The following NKIRAS1 variants were observed in gnomAD, a reference collection of about 807,000 sequenced individuals.
The protein encoded by NKIRAS1 is NF-kappa-B inhibitor-interacting Ras-like protein 1.
A neutral mutation model predicts 19.8 loss-of-function variants in NKIRAS1; 16 were observed. The ratio of observed to expected loss-of-function variants is 0.81; its 90% confidence interval spans 0.55 to 1.23. NKIRAS1 has a LOEUF of 1.23. NKIRAS1 is among the 50% of genes most tolerant of loss of function. The pLI is 0.00. For synonymous variants in NKIRAS1, 88 were observed against 79.0 expected, an observed-to-expected ratio of 1.11 and a Z score of -0.61; for missense variants, 184 against 220.0, an observed-to-expected ratio of 0.84 and a Z score of 1.04.
chr3:23,921,487 C>A (rs759032304), upstream of NKIRAS1: 12 of 655,080 alleles, frequency 1.8e-5, no homozygotes, highest in Non-Finnish European at 3.3e-5. Flanking sequence ...ATTAGCTATA[C>A]CCTGACCGCC....
chr3:23,909,236 T>C (rs1703394329), intron 3 of NKIRAS1, among the ~76,000 whole-genome samples: 1 of 151,840 alleles, frequency 6.6e-6, no homozygotes, highest in Admixed American at 6.6e-5. Context: ...AAAACAGAAA[T>C]GTGGGCCAGG....
intron 4 of NKIRAS1, 69 bp downstream of exon 4, chr3:23,900,739 C>A: frequency 8.0e-7 from 1 of 1,245,858 alleles, no homozygotes; most frequent in Non-Finnish European, 1.2e-6. Flanking sequence ...AATAAACTAC[C>A]CAAAAGTCTG....
chr3:23,921,570 G>GTTTTTTTTTTTT, upstream of NKIRAS1: 2 of 508,320 alleles, frequency 3.9e-6, no homozygotes, highest in Non-Finnish European at 7.0e-6. Flanking sequence ...TGATTATTGA[G>GTTTTTTTTTTTT]TTTTTTTTTT....
At chr3:23,932,419 A>T (rs1323363306) in intron 1 of NKIRAS1, among the ~76,000 whole-genome samples, 1 of 152,094 alleles carries the variant, frequency 6.6e-6, no homozygotes, top group Non-Finnish European at 1.5e-5. Flanking sequence ...CTACAAAATA[A>T]CTTCTAGGCC....
intron 1 of NKIRAS1, among the ~76,000 whole-genome samples, chr3:23,931,028 A>G (rs1705307001): frequency 6.6e-6 from 1 of 150,844 alleles, no homozygotes; most frequent in African/African-American, 2.4e-5. Context: ...CAATATGTAA[A>G]TATCTGGATA....
intron 3 of NKIRAS1, 61 bp downstream of exon 3, chr3:23,910,750 C>T: frequency 8.0e-7 from 1 of 1,254,528 alleles, no homozygotes; most frequent in Non-Finnish European, 1.2e-6. Flanking sequence ...TTAGCATGAC[C>T]AACAAAAGAC....
chr3:23,897,205 A>AG (rs200966444), intron 4 of NKIRAS1, among the ~76,000 whole-genome samples: 11 of 151,506 alleles, frequency 7.3e-5, no homozygotes, highest in African/African-American at 1.7e-4. Flanking sequence ...TGTCTGAAAT[A>AG]GGGAAAAAAA....
upstream of NKIRAS1, chr3:23,918,233 C>A (rs1350857031): frequency 2.2e-6 from 2 of 906,238 alleles, no homozygotes; most frequent in African/African-American, 1.7e-5. Flanking sequence ...TGAATGAGTT[C>A]AGACTAAAGC....
At chr3:23,921,507 GT>G, upstream of NKIRAS1, 1 of 668,678 alleles carries the variant, frequency 1.5e-6, no homozygotes, top group Non-Finnish European at 2.7e-6. Context: ...CCCACAAGCT[GT>G]TCCCATTTGC....
rs762134507 is a variant in NKIRAS1 at position 23,893,109 on chromosome 3, T to TA, written c.564dup (p.Asn189Ter). 1.9e-6 allele frequency: 3 copies of TA among 1,567,098 alleles called. No homozygotes were observed. In the South Asian group the frequency reaches 3.7e-5, roughly 19 times the overall value. On this transcript the variant is annotated frameshift_variant, in exon 5 of 5. Coordinates refer to ENST00000425478, the MANE Select transcript of NKIRAS1 (RefSeq NM_020345.4). LOFTEE classifies it high-confidence loss of function. ...ATTACTGATTTTTAGTTCTCAGAAT[T>TA]AGAGTTCCCTTTGTTTTTCCTCCCA...
At position 23,893,245 on chromosome 3, in the gene NKIRAS1, T is replaced by C; in HGVS notation, c.429A>G (p.Lys143=). The change falls in exon 5 of 5, where the codon AAA becomes AAG. Residue 143 remains lysine (K), a synonymous_variant. Transcript: ENST00000425478. ...EVAQQWAKSE[K]VRLWEVTVTD... is the part of the protein sequence containing the mutation. ...TAACAGTCACCTCCCACAGTCTTAC[T>C]TTCTCACTTTTTGCCCACTGCTGTG... 2 of 1,614,224 alleles carry C rather than the reference T, an allele frequency of 1.2e-6. No individual in the cohort carries two copies. The highest frequency in any genetic ancestry group is 1.7e-6 in the Non-Finnish European group (2 of 1,180,042).
At position 23,900,852 on chromosome 3, in the gene NKIRAS1, C is replaced by G. The variant is rs1199541101; in HGVS notation, c.292G>C (p.Glu98Gln). Residue 98 changes from glutamate to glutamine, a missense_variant, in exon 4 of 5, where the codon GAG (glutamate) becomes CAG (glutamine). Glu to Gln is a conservative substitution (Grantham distance 29). Coordinates refer to ENST00000425478, the MANE Select transcript of NKIRAS1 (RefSeq NM_020345.4). ...TTATCGATTTCTTTCTTCAGAAGCTCCACTCTTTGAAAGGATTCAAGGTTA... is the reference window on the plus strand; with the variant it reads ...TTATCGATTTCTTTCTTCAGAAGCTGCACTCTTTGAAAGGATTCAAGGTTA... ...VNNLESFQRVELLKKEIDKFK... is the reference protein window; with the variant it reads ...VNNLESFQRVQLLKKEIDKFK... The G allele has an allele frequency of 6.2e-7, 1 of 1,613,492 alleles. No homozygotes were observed. The highest frequency in any genetic ancestry group is 1.3e-5 in the African/African-American group (1 of 74,912).
At chr3:23,914,966 T>C (rs1205907072) in intron 1 of NKIRAS1, among the ~76,000 whole-genome samples, 1 of 152,250 alleles carries the variant, frequency 6.6e-6, no homozygotes, top group Non-Finnish European at 1.5e-5. Flanking sequence ...AGGGCTGCAC[T>C]ACTTACCATT....
chr3:23,920,525 C>T, upstream of NKIRAS1: 3 of 985,220 alleles, frequency 3.0e-6, no homozygotes, highest in Non-Finnish European at 3.6e-6. Flanking sequence ...TTTCTGTTTG[C>T]ACCATGTCTT....
intron 1 of NKIRAS1, among the ~76,000 whole-genome samples, chr3:23,935,379 C>CAA (rs11373255): frequency 0.44 from 64,804 of 148,684 alleles, 13,932 homozygotes; most frequent in Middle Eastern, 0.52. Flanking sequence ...TCTGATTAGA[C>CAA]AAAAAAAAAA....
At chr3:23,935,243 A>G (rs56224135) in intron 1 of NKIRAS1, among the ~76,000 whole-genome samples, 1,699 of 152,180 alleles carry the variant, frequency 0.011, 36 homozygotes, top group African/African-American at 0.039. Context: ...CTAAAACTAA[A>G]CATGGTAAGA....
chr3:23,896,569 T>C (rs539188421), intron 4 of NKIRAS1, among the ~76,000 whole-genome samples: 112 of 151,896 alleles, frequency 7.4e-4, no homozygotes, highest in Non-Finnish European at 1.5e-3. Context: ...GCTGAGATCA[T>C]GCCACTGCAC....
chr3:23,930,275 T>A (rs561436851), intron 1 of NKIRAS1, among the ~76,000 whole-genome samples: 1 of 152,220 alleles, frequency 6.6e-6, no homozygotes, highest in African/African-American at 2.4e-5. Flanking sequence ...GCTAAAGGGA[T>A]AAAGATGTAG....
intron 1 of NKIRAS1, among the ~76,000 whole-genome samples, chr3:23,945,833 CT>C (rs1289446724): frequency 2.0e-5 from 3 of 150,778 alleles, no homozygotes; most frequent in Admixed American, 2.0e-4. Context: ...CGGCCCCCCC[CT>C]CACATGGCCC....
Sources: gnomAD v4.1 joint callset for allele counts (sites outside exome capture counted in the v4.1 genomes callset) on GRCh38, gnomAD v4.1.1 for gene constraint, MANE v1.5 for transcripts, NCBI Gene and HGNC (gene_info 2026-07-23, HGNC 2026-07-21) for gene names.